CLSTN2: variants seen among roughly 807,000 people sequenced by gnomAD.
CLSTN2 encodes calsyntenin 2.
In CLSTN2, 48 loss-of-function variants were observed where a neutral mutation model predicts 101.2. The ratio of observed to expected loss-of-function variants is 0.47; its 90% CI spans 0.38 to 0.60. CLSTN2 has a LOEUF of 0.60. Among genes scored for constraint, CLSTN2 ranks in the 20% least tolerant of loss-of-function variants. The probability of loss-of-function intolerance (pLI) is 0.00; values close to 1 mark genes in which losing one functional copy is unlikely to be tolerated. For missense variants in CLSTN2, 1,160 were observed against 1,238.2 expected (o/e 0.94, Z 0.95); for synonymous variants, 481 against 463.6 (o/e 1.04, Z -0.48).
chr3:140,352,176 C>T (rs1350179630), intron 2 of CLSTN2, among the ~76,000 whole-genome samples: 1 of 152,120 alleles, frequency 6.6e-6, no homozygotes, highest in Non-Finnish European at 1.5e-5. Flanking sequence ...GAGGTATTTA[C>T]CAATACTCAG....
chr3:140,405,161 C>T (rs532607281), intron 4 of CLSTN2, among the ~76,000 whole-genome samples: 1 of 152,236 alleles, frequency 6.6e-6, no homozygotes, highest in African/African-American at 2.4e-5. Context: ...GCCCTATTGC[C>T]TCTAGATGAA....
chr3:140,548,426 G>T (rs1935643910), intron 10 of CLSTN2, among the ~76,000 whole-genome samples: 1 of 152,214 alleles, frequency 6.6e-6, no homozygotes, highest in South Asian at 2.1e-4. Flanking sequence ...ACTTGCGTAA[G>T]ATCCCAGAGT....
intron 1 of CLSTN2, among the ~76,000 whole-genome samples, chr3:140,117,995 A>C (rs975904552): frequency 6.6e-6 from 1 of 152,198 alleles, no homozygotes; most frequent in Non-Finnish European, 1.5e-5. Context: ...AAGCCCCAGT[A>C]CCTCAGGATG....
chr3:140,356,005 A>G (rs1208422161), intron 2 of CLSTN2, among the ~76,000 whole-genome samples: 1 of 152,238 alleles, frequency 6.6e-6, no homozygotes, highest in Non-Finnish European at 1.5e-5. Context: ...GACACAGCTC[A>G]GGCATCACCA....
intron 2 of CLSTN2, among the ~76,000 whole-genome samples, chr3:140,318,546 G>C (rs1045452597): frequency 2.0e-5 from 3 of 152,182 alleles, no homozygotes; most frequent in African/African-American, 7.2e-5. Context: ...TCAGGTCTCA[G>C]GCTGTAACCT....
At chr3:140,124,453 G>T (rs762090703) in intron 1 of CLSTN2, among the ~76,000 whole-genome samples, 1 of 152,162 alleles carries the variant, frequency 6.6e-6, no homozygotes, top group Non-Finnish European at 1.5e-5. Context: ...TTGCTCCAGG[G>T]CAAAAGTGGT....
chr3:140,229,287 C>T (rs956653029), intron 2 of CLSTN2, among the ~76,000 whole-genome samples: 1 of 152,146 alleles, frequency 6.6e-6, no homozygotes, highest in African/African-American at 2.4e-5. Context: ...GGCATTCAGC[C>T]AAACTGAGTT....
At chr3:140,248,522 T>C (rs1162302014) in intron 2 of CLSTN2, among the ~76,000 whole-genome samples, 1 of 152,186 alleles carries the variant, frequency 6.6e-6, no homozygotes, top group Non-Finnish European at 1.5e-5. Flanking sequence ...TGAGATTCAC[T>C]CTGGGAGCTT....
At chr3:140,454,642 A>G (rs945742255) in intron 6 of CLSTN2, 3 of 152,238 alleles carry the variant, frequency 2.0e-5, no homozygotes, top group Admixed American at 1.3e-4. Flanking sequence ...ACAAAGGTTT[A>G]TTTATCATTC....
intron 1 of CLSTN2, among the ~76,000 whole-genome samples, chr3:139,976,078 T>C (rs1393929447): frequency 2.0e-5 from 3 of 152,180 alleles, no homozygotes; most frequent in African/African-American, 7.2e-5. Context: ...CAGATCGTGG[T>C]TGTATGCAGA....
chr3:140,423,339 TCTCCAGTGCCCAGCACA>T (rs1263612384), intron 5 of CLSTN2, among the ~76,000 whole-genome samples: 1 of 152,108 alleles, frequency 6.6e-6, no homozygotes, highest in African/African-American at 2.4e-5. Flanking sequence ...TGCTATTATG[TCTCCAGTGCCCAGCACA>T]CTCCAGTGCC....
chr3:140,427,756 T>A (rs572123501), intron 5 of CLSTN2, among the ~76,000 whole-genome samples: 1 of 152,198 alleles, frequency 6.6e-6, no homozygotes, highest in South Asian at 2.1e-4. Context: ...TTTTCTTTTT[T>A]TTATTATTTC....
chr3:140,459,738 G>A lies in CLSTN2; in HGVS notation c.1191G>A (p.Lys397=). ...HGPSPGVRAE[K]ETILCNSDKT... ...CCAGCCCTGGTGTGAGAGCCGAGAA[G>A]GAAACCATCCTCTGCAACTCAGACA... The change falls in exon 7 of 17, where the codon AAG becomes AAA. Residue 397 remains lysine (K), a synonymous_variant. Coordinates refer to ENST00000458420, the MANE Select transcript of CLSTN2 (RefSeq NM_022131.3). 6.2e-7 allele frequency: 1 copy of A among 1,614,152 alleles called. No individual in the cohort carries two copies. The highest frequency in any genetic ancestry group is 8.5e-7 in the Non-Finnish European group (1 of 1,180,002).
chr3:140,428,900 C>G (rs747386104), intron 5 of CLSTN2, among the ~76,000 whole-genome samples: 20 of 152,268 alleles, frequency 1.3e-4, no homozygotes, highest in East Asian at 3.9e-4. Context: ...TTCTCAAACT[C>G]AAACATGCAC....
intron 2 of CLSTN2, among the ~76,000 whole-genome samples, chr3:140,258,570 T>A (rs933374683): frequency 9.9e-5 from 15 of 152,242 alleles, no homozygotes; most frequent in Admixed American, 7.9e-4. Flanking sequence ...ATTTCCCATT[T>A]GCTGCTGTGA....
At chr3:140,276,077 T>G (rs1443708816) in intron 2 of CLSTN2, among the ~76,000 whole-genome samples, 1 of 152,156 alleles carries the variant, frequency 6.6e-6, no homozygotes, top group Non-Finnish European at 1.5e-5. Flanking sequence ...GGATATAAGC[T>G]GCAGAGACCT....
intron 2 of CLSTN2, among the ~76,000 whole-genome samples, chr3:140,247,005 G>A (rs899649238): frequency 1.3e-5 from 2 of 152,146 alleles, no homozygotes; most frequent in African/African-American, 4.8e-5. Context: ...CCATAGTTAT[G>A]GACTGATTCC....
chr3:140,374,566 A>G (rs1169879855), intron 2 of CLSTN2, among the ~76,000 whole-genome samples: 1 of 152,252 alleles, frequency 6.6e-6, no homozygotes, highest in Admixed American at 6.5e-5. Flanking sequence ...TGAAAAAAGA[A>G]GACCCCAGAT....
At chr3:140,186,392 T>C (rs940392203) in intron 2 of CLSTN2, among the ~76,000 whole-genome samples, 1 of 152,202 alleles carries the variant, frequency 6.6e-6, no homozygotes, top group African/African-American at 2.4e-5. Flanking sequence ...GGTTTTACTT[T>C]AATGGGAATT....
Sources: allele counts gnomAD v4.1 joint callset (sites outside exome capture counted in the v4.1 genomes callset), GRCh38; gene constraint gnomAD v4.1.1; transcripts MANE v1.5; gene names NCBI Gene and HGNC (gene_info 2026-07-23, HGNC 2026-07-21).